Variants in EVPL observed in about 807,000 individuals in gnomAD.
EVPL encodes 210 kDa cornified envelope precursor protein.
A neutral mutation model predicts 129.7 loss-of-function variants in EVPL; 94 were observed. The ratio of observed to expected loss-of-function variants is 0.72; its 90% CI spans 0.61 to 0.86. The LOEUF (loss-of-function observed/expected upper bound fraction) is 0.86. Among genes scored for constraint, EVPL ranks in the 40% least tolerant of loss-of-function variants. The pLI is 0.00. For missense variants in EVPL, 2,625 were observed against 2,721.1 expected (o/e 0.96, Z 0.79); for synonymous variants, 1,172 against 1,191.1 (o/e 0.98, Z 0.33).
intron 9 of EVPL, among the ~76,000 whole-genome samples, chr17:76,020,345 A>G (rs2144429936): frequency 6.6e-6 from 1 of 152,172 alleles, no homozygotes; most frequent in East Asian, 1.9e-4. Flanking sequence ...GTCATAAAAC[A>G]CTTGGTCTTC....
At position 76,008,608 on chromosome 17, in the gene EVPL, C is replaced by T. The variant is rs2066344600; in HGVS notation, c.4597G>A (p.Glu1533Lys). The T allele has an allele frequency of 6.2e-7, 1 of 1,611,916 alleles. No homozygotes were observed. The highest frequency in any genetic ancestry group is 1.3e-5 in the African/African-American group (1 of 74,948). The change falls in exon 22 of 22, where the codon GAA (glutamate) becomes AAA (lysine). Residue 1533 changes from glutamate to lysine, a missense_variant. Coordinates refer to ENST00000301607, the MANE Select transcript of EVPL (RefSeq NM_001988.4). The surrounding 1 kb of genome is among the most constrained non-coding windows in gnomAD (Gnocchi z 7.4). The stretch of plus-strand genomic sequence containing the variant: ...TCCCACACGCGGGCCCGCTCATCTT[C>T]CAGGACGCGGTCCTTCTGCACCCGG... ...VIRVQKDRVL[E>K]DERARVWEML...
Position 76,008,641 on chromosome 17 carries a change from C to T in EVPL, c.4564G>A (p.Glu1522Lys). 6.2e-7 allele frequency: 1 copy of T among 1,612,536 alleles called. No individual in the cohort carries two copies. The highest frequency in any genetic ancestry group is 2.2e-5 in the East Asian group (1 of 44,888). Residue 1522 changes from glutamate to lysine, a missense_variant, in exon 22 of 22, where the codon GAA becomes AAA. Coordinates refer to ENST00000301607, the MANE Select transcript of EVPL (RefSeq NM_001988.4). The surrounding 1 kb of genome is among the most constrained non-coding windows in gnomAD (Gnocchi z 7.4). ...CGGTCCTTCTGCACCCGGATCACTT[C>T]CTTGTAGATGGTCTTCTCCTGCGAT... ...AKSQEKTIYKEVIRVQKDRVL... is the reference protein window; with the variant it reads ...AKSQEKTIYKKVIRVQKDRVL...
Position 76,021,984 on chromosome 17 carries a change from C to A in EVPL, c.690G>T (p.Thr230=), listed in dbSNP as rs759334667. ...GCTGCCGCGTGCAGCCCTGGAGGTGCGTGTACAGGCTGCCCAGGCTCTGCC... is the reference window on the plus strand; with the variant it reads ...GCTGCCGCGTGCAGCCCTGGAGGTGAGTGTACAGGCTGCCCAGGCTCTGCC... ...WRGQSLGSLY[T]HLQGCTRQLS... Residue 230 remains threonine (T), a synonymous_variant, in exon 7 of 22, where the codon ACG becomes ACT. Transcript: ENST00000301607. 1.3e-6 allele frequency: 2 copies of A among 1,565,334 alleles called. No homozygotes were observed.
At position 76,022,144 on chromosome 17, in the gene EVPL, C is replaced by T; in HGVS notation, c.645+45G>A. On this transcript the variant is annotated intron_variant, in intron 6 of 21. Transcript: ENST00000301607. This position sits in a 1 kb window ranked among gnomAD's most constrained non-coding sequence, Gnocchi z 5.6. ...CCCGGGCAGGGTCCGGGCGGCCACCCAGGCCCACCCGCAGCCTCCCTGCCC... is the reference window on the plus strand; with the variant it reads ...CCCGGGCAGGGTCCGGGCGGCCACCTAGGCCCACCCGCAGCCTCCCTGCCC... 8 of 1,607,688 alleles carry T rather than the reference C, an allele frequency of 5.0e-6. No homozygotes were observed. The Middle Eastern group carries it at 5.9e-4, about 118-fold the overall frequency.
In EVPL at chr17:76,018,156, G is replaced by T. The variant is rs1410173850; in HGVS notation, c.1537+5C>A. On this transcript the variant is annotated splice_donor_5th_base_variant and intron_variant, in intron 13 of 21. Transcript: ENST00000301607. The stretch of plus-strand genomic sequence containing the variant: ...AGCCACCTCTCCCCGGGCCACCCTG[G>T]GTACCCTGCTGGCTGGGCCGAAGAG... The T allele has an allele frequency of 3.2e-6, 5 of 1,550,832 alleles. No individual in the cohort carries two copies. Among genetic ancestry groups the T allele is most frequent in the Non-Finnish European group, 3.5e-6 (4 of 1,146,834 alleles).
intron 1 of EVPL, among the ~76,000 whole-genome samples, chr17:76,026,729 C>T (rs2066500534): frequency 7.7e-6 from 1 of 130,160 alleles, no homozygotes; most frequent in South Asian, 2.4e-4. Context: ...GCTCTCCTGT[C>T]TCCCAGGCTC....
chr17:76,007,335 T>G lies in EVPL; in HGVS notation c.5870A>C (p.Gln1957Pro), dbSNP rs2066325585. 4 of 1,568,232 alleles carry G rather than the reference T, an allele frequency of 2.6e-6. No individual in the cohort carries two copies. Among genetic ancestry groups the G allele is most frequent in the African/African-American group, 1.4e-5 (1 of 73,638 alleles). Residue 1957 changes from glutamine (Q) to proline (P), a missense_variant, in exon 22 of 22, where the codon CAG (glutamine) becomes CCG (proline). Around this residue, in one of 4 missense-constraint regions of EVPL, gnomAD observed 1,453 missense variants for 1,511.8 expected, o/e 0.96. Transcript: ENST00000301607. This position sits in a 1 kb window ranked among gnomAD's most constrained non-coding sequence, Gnocchi z 8.8. Reference sequence around the variant, plus strand: ...ACTGATCATCCCGGAGAGGAGGGCCTGCTGGATGGGGATGCGGCCTGTCCT... The same window carrying G: ...ACTGATCATCCCGGAGAGGAGGGCCGGCTGGATGGGGATGCGGCCTGTCCT... ...PKRTGRIPIQ[Q>P]ALLSGMISEE...
chr17:76,009,810 G>A lies in EVPL; in HGVS notation c.3395C>T (p.Pro1132Leu). The A allele has an allele frequency of 3.1e-6, 5 of 1,613,922 alleles. No homozygotes were observed. The African/African-American group carries it at 5.3e-5, about 17-fold the overall frequency. The change falls in exon 22 of 22, where the codon CCC becomes CTC. Residue 1132 changes from proline to leucine, a missense_variant. This residue lies in a region of EVPL where 1,453 missense variants were observed against 1,511.8 expected (regional missense o/e 0.96). Coordinates refer to ENST00000301607, the MANE Select transcript of EVPL (RefSeq NM_001988.4). This position sits in a 1 kb window ranked among gnomAD's most constrained non-coding sequence, Gnocchi z 5.9. ...DLERAISSVEPKVIVKEVKKV... is the reference protein window; with the variant it reads ...DLERAISSVELKVIVKEVKKV... ...CTTCACCTCCTTCACGATGACCTTG[G>A]GCTCCACCGAGCTGATAGCCCGCTC...
rs140832012 is a variant in EVPL, at chr17:76,008,959, C to A, written c.4246G>T (p.Val1416Leu). 1 of 1,611,606 alleles carries A rather than the reference C, an allele frequency of 6.2e-7. No homozygotes were observed. Among genetic ancestry groups the A allele is most frequent in the South Asian group, 1.1e-5 (1 of 91,068 alleles). The change falls in exon 22 of 22, where the codon GTG becomes TTG. Residue 1416 changes from valine to leucine, a missense_variant. By Grantham distance (32) the Val-to-Leu change is conservative. Transcript: ENST00000301607. This position sits in a 1 kb window ranked among gnomAD's most constrained non-coding sequence, Gnocchi z 7.4. ...CTGAGCAGGCCCTCCTGCTCCTCCA[C>A]GCCGGCCCGCAGCTGCTGCACCTCA... The part of the protein sequence containing the change: ...ELEVQQLRAG[V>L]EEQEGLLSFQ...
Position 76,009,998 on chromosome 17 carries a change from G to C in EVPL, c.3207C>G (p.Asp1069Glu). ...ELLALEKREV[D>E]VKEKVVVKEV... is the part of the protein sequence containing the mutation. ...CTTTCACCACGACCTTCTCCTTCAC[G>C]TCCACCTCCCTCTTCTCAAGGGCCA... Residue 1069 changes from aspartate to glutamate, a missense_variant, in exon 22 of 22, where the codon GAC (aspartate) becomes GAG (glutamate). Physicochemically the swap from Asp to Glu is conservative, Grantham distance 45. Coordinates refer to ENST00000301607, the MANE Select transcript of EVPL (RefSeq NM_001988.4). This position sits in a 1 kb window ranked among gnomAD's most constrained non-coding sequence, Gnocchi z 5.9. The C allele has an allele frequency of 3.1e-6, 5 of 1,613,308 alleles. 1 individual carries two copies. In the Middle Eastern group the frequency reaches 4.9e-4, roughly 160 times the overall value.
Position 76,022,514 on chromosome 17 carries a change from C to G in EVPL, c.505G>C (p.Gly169Arg), listed in dbSNP as rs139895076. The G allele has an allele frequency of 1.0e-3, 1,627 of 1,609,854 alleles. 3 individuals are homozygous for G. The highest frequency in any genetic ancestry group is 1.2e-3 in the Non-Finnish European group (1,358 of 1,178,576). Residue 169 changes from glycine (G) to arginine (R), a missense_variant, in exon 5 of 22, where the codon GGG becomes CGG. This residue lies in a region of EVPL where 1,024 missense variants were observed against 997.5 expected (regional missense o/e 1.03). Transcript: ENST00000301607. This position sits in a 1 kb window ranked among gnomAD's most constrained non-coding sequence, Gnocchi z 5.6. Reference sequence around the variant, plus strand: ...TGCTCCAGCTCCGCCATGCCCGGCCCGTACTGGCCTGCGCAGACCTGCTTC... The same window carrying G: ...TGCTCCAGCTCCGCCATGCCCGGCCGGTACTGGCCTGCGCAGACCTGCTTC... The part of the protein sequence containing the change: ...KQKQVCAGQY[G>R]PGMAELEQQI...
In EVPL at chr17:76,010,335, T is replaced by C; in HGVS notation, c.2870A>G (p.Lys957Arg). ...TQRPLERLEE[K>R]EVVEFYRDPQ... is the part of the protein sequence containing the mutation. ...GTCCCGGTAGAACTCTACCACTTCCTTCTCCTCCAGCCTCTCCAAGGGCCG... is the reference window on the plus strand; with the variant it reads ...GTCCCGGTAGAACTCTACCACTTCCCTCTCCTCCAGCCTCTCCAAGGGCCG... Residue 957 changes from lysine to arginine, a missense_variant, in exon 22 of 22, where the codon AAG (lysine) becomes AGG (arginine). Physicochemically the swap from Lys to Arg is conservative, Grantham distance 26 (BLOSUM62 2). This residue lies in a region of EVPL where 1,453 missense variants were observed against 1,511.8 expected (regional missense o/e 0.96). Coordinates refer to ENST00000301607, the MANE Select transcript of EVPL (RefSeq NM_001988.4). 2 of 1,613,892 alleles carry C rather than the reference T, an allele frequency of 1.2e-6. No individual in the cohort carries two copies. Among genetic ancestry groups the C allele is most frequent in the South Asian group, 1.1e-5 (1 of 91,074 alleles).
At chr17:76,019,404 G>C (rs2066441739) in intron 10 of EVPL, 124 bp downstream of exon 10, 2 of 1,284,826 alleles carry the variant, frequency 1.6e-6, no homozygotes, top group South Asian at 3.2e-5. Flanking sequence ...AAACCCCCCT[G>C]CCAGCACCCA....
Position 76,018,515 on chromosome 17 carries a change from G to A in EVPL, c.1370C>T (p.Thr457Ile), listed in dbSNP as rs1387784509. 6.2e-7 allele frequency: 1 copy of A among 1,612,696 alleles called. No individual in the cohort carries two copies. Among genetic ancestry groups the A allele is most frequent in the Non-Finnish European group, 8.5e-7 (1 of 1,179,864 alleles). The part of the protein sequence containing the change: ...AWVVQGPGGE[T>I]KRAPAACFCI... ...GAAGCAGGCGGCGGGAGCACGCTTG[G>A]TCTCCCCGCCAGGGCCCTGCACGAC... The change falls in exon 12 of 22, where the codon ACC becomes ATC. Residue 457 changes from threonine (T) to isoleucine (I), a missense_variant. By Grantham distance (89) the Thr-to-Ile change is moderately conservative. Transcript: ENST00000301607.
chr17:76,007,809 G>C lies in EVPL; in HGVS notation c.5396C>G (p.Ser1799Cys). The part of the protein sequence containing the change: ...SLSIGSIISK[S>C]PLASPAPQST... ...CTGGGGGGCCGGGGAGGCGAGCGGG[G>C]ACTTGGAGATGATAGAGCCGATGGA... Residue 1799 changes from serine to cysteine, a missense_variant, in exon 22 of 22, where the codon TCC becomes TGC. Ser to Cys is a moderately radical substitution (Grantham distance 112). This residue lies in a region of EVPL where 1,453 missense variants were observed against 1,511.8 expected (regional missense o/e 0.96). Transcript: ENST00000301607. The surrounding 1 kb of genome is among the most constrained non-coding windows in gnomAD (Gnocchi z 8.8). 6.2e-7 allele frequency: 1 copy of C among 1,611,238 alleles called. No homozygotes were observed. The highest frequency in any genetic ancestry group is 8.5e-7 in the Non-Finnish European group (1 of 1,177,792).
intron 11 of EVPL, 136 bp from the exon 12 acceptor site, chr17:76,018,736 G>A (rs1019250792): frequency 1.2e-5 from 15 of 1,215,042 alleles, no homozygotes; most frequent in Middle Eastern, 2.5e-4. Context: ...GGAGGTGCTG[G>A]GGTAGAAAAG....
At position 76,013,379 on chromosome 17, in the gene EVPL, A is replaced by G. The variant is rs2066393524; in HGVS notation, c.2373+1047T>C. On this transcript the variant is annotated intron_variant, in intron 18 of 21. Coordinates refer to ENST00000301607, the MANE Select transcript of EVPL (RefSeq NM_001988.4). The surrounding 1 kb of genome is among the most constrained non-coding windows in gnomAD (Gnocchi z 4.3). ...CCCATCTTTGCTCTCACGAGCTCCT[A>G]GGGGAACCCCCAGCCCCAGTTCCCT... Among the ~76,000 whole-genome samples the G allele has an allele frequency of 6.6e-6, 1 of 152,058 alleles. No individual in the cohort carries two copies. The highest frequency in any genetic ancestry group is 1.5e-5 in the Non-Finnish European group (1 of 67,990).
At chr17:76,012,749 T>C (rs957029571) in intron 18 of EVPL, among the ~76,000 whole-genome samples, 3 of 147,146 alleles carry the variant, frequency 2.0e-5, no homozygotes, top group East Asian at 3.9e-4. Flanking sequence ...TTTCTTTTTT[T>C]TTTTTTTTTT....
chr17:76,019,113 G>C, intron 10 of EVPL, 53 bp from the exon 11 acceptor site: 1 of 1,498,968 alleles, frequency 6.7e-7, no homozygotes, highest in Non-Finnish European at 8.8e-7. Flanking sequence ...TTGGAGGCTG[G>C]CCACACCATA....
Sources: allele counts gnomAD v4.1 joint callset (sites outside exome capture counted in the v4.1 genomes callset), GRCh38; gene constraint gnomAD v4.1.1; regional missense constraint gnomAD v4.1.1; non-coding constraint Gnocchi (gnomAD v3.1); transcripts MANE v1.5; gene names NCBI Gene and HGNC (gene_info 2026-07-23, HGNC 2026-07-21).